PTRH1: variants seen among roughly 807,000 people sequenced by gnomAD.
PTRH1 encodes peptidyl-tRNA hydrolase.
A neutral mutation model predicts 15.7 loss-of-function variants in PTRH1; 13 were observed. The ratio of observed to expected loss-of-function variants is 0.83; its 90% CI spans 0.54 to 1.31. The LOEUF is 1.31. Ranked by LOEUF, PTRH1 falls within the 40% of genes most tolerant of loss-of-function variation. PTRH1 has a pLI of 0.00. For synonymous variants in PTRH1, 139 were observed against 136.7 expected (o/e 1.02, Z -0.12); for missense variants, 319 against 296.2 (o/e 1.08, Z -0.56).
At chr9:127,707,750 A>T (rs1564364482) in intron 1 of PTRH1, among the ~76,000 whole-genome samples, 1 of 152,184 alleles carries the variant, frequency 6.6e-6, no homozygotes, top group Non-Finnish European at 1.5e-5. Context: ...CTAACTCTTC[A>T]TTCAGAGCCA....
Position 127,715,091 on chromosome 9 carries a change from G to T in PTRH1, c.200C>A (p.Thr67Lys). The change falls in exon 2 of 5, where the codon ACG becomes AAG. Residue 67 changes from threonine to lysine, a missense_variant. Coordinates refer to ENST00000543175, the MANE Select transcript of PTRH1 (RefSeq NM_001002913.3). The surrounding 1 kb of genome is among the most constrained non-coding windows in gnomAD (Gnocchi z 5.8). ...GTCGGCGGCACAGTGCCGGTCGCGCGTCCAACTCTCCGCCACACCCAGCCG... is the reference window on the plus strand; with the variant it reads ...GTCGGCGGCACAGTGCCGGTCGCGCTTCCAACTCTCCGCCACACCCAGCCG... Reference protein sequence around the residue: ...ARRLGVAESWTRDRHCAADLA... With the variant: ...ARRLGVAESWKRDRHCAADLA... 6.5e-7 allele frequency: 1 copy of T among 1,532,734 alleles called. No individual in the cohort carries two copies. Among genetic ancestry groups the T allele is most frequent in the Non-Finnish European group, 8.7e-7 (1 of 1,145,564 alleles). The allele number at this position is 1,532,734 out of a possible 1,614,324, so 94.9% of individuals were successfully genotyped here.
In PTRH1 at chr9:127,714,661, G is replaced by T. The variant is rs1211888867; in HGVS notation, c.358C>A (p.His120Asn). 1 of 1,613,712 alleles carries T rather than the reference G, an allele frequency of 6.2e-7. No homozygotes were observed. Among genetic ancestry groups the T allele is most frequent in the African/African-American group, 1.3e-5 (1 of 74,888 alleles). The stretch of plus-strand genomic sequence containing the variant: ...CCCAGGGGCTTGTCCAGCTCATCAT[G>T]CACCAGGTAGACTTCCTCGGCAGTC... ...GLTAEEVYLV[H>N]DELDKPLGRL... The change falls in exon 3 of 5, where the codon CAT (histidine) becomes AAT (asparagine). Residue 120 changes from histidine to asparagine, a missense_variant. Coordinates refer to ENST00000543175, the MANE Select transcript of PTRH1 (RefSeq NM_001002913.3).
chr9:127,700,684 T>A (rs550526445), intron 1 of PTRH1, among the ~76,000 whole-genome samples: 1 of 152,318 alleles, frequency 6.6e-6, no homozygotes, highest in African/African-American at 2.4e-5. Context: ...AGGTGAGGAT[T>A]AAGTCACACA....
chr9:127,713,903 T>G lies in PTRH1; in HGVS notation c.*197A>C. 1 of 1,613,654 alleles carries G rather than the reference T, an allele frequency of 6.2e-7. No individual in the cohort carries two copies. Among genetic ancestry groups the G allele is most frequent in the Non-Finnish European group, 8.5e-7 (1 of 1,179,750 alleles). Reference sequence around the variant, plus strand: ...TCCTGAAGTTCCCCTACGTCCCAAGTAGGACACAGAGAGAAGAACCTACTC... The same window carrying G: ...TCCTGAAGTTCCCCTACGTCCCAAGGAGGACACAGAGAGAAGAACCTACTC... On this transcript the variant is annotated 3_prime_UTR_variant, in exon 5 of 5. Transcript: ENST00000543175.
intron 1 of PTRH1, among the ~76,000 whole-genome samples, chr9:127,703,341 G>T (rs937754444): frequency 6.6e-6 from 1 of 151,998 alleles, no homozygotes; most frequent in Non-Finnish European, 1.5e-5. Context: ...ATCTACCTGG[G>T]AAGCTGAGGC....
intron 1 of PTRH1, among the ~76,000 whole-genome samples, chr9:127,704,810 A>G (rs904006352): frequency 6.6e-5 from 10 of 152,184 alleles, no homozygotes; most frequent in African/African-American, 2.4e-4. Context: ...ACACTGTGGC[A>G]TGATCATAAC....
downstream of PTRH1, chr9:127,710,678 C>G (rs1445835539): frequency 1.9e-6 from 3 of 1,580,758 alleles, no homozygotes; most frequent in South Asian, 3.5e-5. Flanking sequence ...GCTGGAGGAG[C>G]AGGTGCGGAA....
At chr9:127,711,863 A>T (rs1188833250), downstream of PTRH1, 1 of 1,583,522 alleles carries the variant, frequency 6.3e-7, no homozygotes, top group East Asian at 2.3e-5. Flanking sequence ...CAGCAGCAGG[A>T]CACCAAGGAG....
downstream of PTRH1, chr9:127,711,169 G>A: frequency 4.4e-6 from 7 of 1,573,860 alleles, no homozygotes; most frequent in Non-Finnish European, 6.0e-6. Context: ...TCACAAAGGG[G>A]TGTGCCCAGG....
At chr9:127,701,509 A>G (rs1842603113) in intron 1 of PTRH1, among the ~76,000 whole-genome samples, 1 of 152,236 alleles carries the variant, frequency 6.6e-6, no homozygotes, top group South Asian at 2.1e-4. Flanking sequence ...CCCAAGGATC[A>G]GGAGTACCTG....
downstream of PTRH1, chr9:127,711,774 G>C (rs554195043): frequency 8.6e-4 from 1,329 of 1,537,874 alleles, no homozygotes; most frequent in Non-Finnish European, 1.1e-3. Flanking sequence ...TCTGCAGCTG[G>C]GGGACAGGGC....
chr9:127,712,521 T>G, downstream of PTRH1: 1 of 1,492,196 alleles, frequency 6.7e-7, no homozygotes, highest in Non-Finnish European at 9.0e-7. Context: ...TCCAAGGTCT[T>G]AAAGGAGCTG....
chr9:127,704,342 C>CA (rs891121144), intron 1 of PTRH1, among the ~76,000 whole-genome samples: 4 of 150,602 alleles, frequency 2.7e-5, no homozygotes, highest in Non-Finnish European at 4.4e-5. Context: ...CCGTCTCCAC[C>CA]AAAAAAAATT....
chr9:127,702,815 G>A (rs1220539590), intron 1 of PTRH1, among the ~76,000 whole-genome samples: 4 of 151,380 alleles, frequency 2.6e-5, no homozygotes, highest in South Asian at 4.2e-4. Flanking sequence ...GGATTCAAAC[G>A]ATTCTCCTAC....
At chr9:127,706,060 T>C (rs1842643978) in intron 1 of PTRH1, among the ~76,000 whole-genome samples, 1 of 152,264 alleles carries the variant, frequency 6.6e-6, no homozygotes, top group African/African-American at 2.4e-5. Flanking sequence ...CCCTGGACCG[T>C]ATCCCTGCAC....
intron 1 of PTRH1, among the ~76,000 whole-genome samples, chr9:127,701,149 A>G (rs1381085422): frequency 1.3e-5 from 2 of 151,426 alleles, no homozygotes; most frequent in African/African-American, 4.9e-5. Context: ...TCCTACCCCA[A>G]CCCCTTCTCC....
intron 1 of PTRH1, among the ~76,000 whole-genome samples, chr9:127,697,932 T>G (rs987403812): frequency 6.6e-6 from 1 of 152,036 alleles, no homozygotes; most frequent in Non-Finnish European, 1.5e-5. Context: ...CAAGAAAAAA[T>G]AGGTAAACTG....
chr9:127,704,307 C>G (rs1202280560), intron 1 of PTRH1, among the ~76,000 whole-genome samples: 1 of 151,898 alleles, frequency 6.6e-6, no homozygotes, highest in African/African-American at 2.4e-5. Flanking sequence ...GAGTTTGAGA[C>G]CACCCTGGGC....
intron 1 of PTRH1, among the ~76,000 whole-genome samples, chr9:127,697,689 A>G (rs1564361785): frequency 6.6e-6 from 1 of 152,046 alleles, no homozygotes; most frequent in Non-Finnish European, 1.5e-5. Flanking sequence ...GCAGCTGTTG[A>G]CCTCCAGCAC....
Sources: allele counts gnomAD v4.1 joint callset (sites outside exome capture counted in the v4.1 genomes callset), GRCh38; gene constraint gnomAD v4.1.1; non-coding constraint Gnocchi (gnomAD v3.1); transcripts MANE v1.5; gene names NCBI Gene and HGNC (gene_info 2026-07-23, HGNC 2026-07-21).